ZDHHC14: variants seen among roughly 807,000 people sequenced by gnomAD.
ZDHHC14 encodes the protein palmitoyltransferase ZDHHC14.
Under a neutral mutation model 47.7 loss-of-function variants are expected in ZDHHC14, and 16 were observed. The ratio of observed to expected loss-of-function variants is 0.34; its 90% CI spans 0.23 to 0.51. The LOEUF is 0.51. Among genes scored for constraint, ZDHHC14 ranks in the 20% least tolerant of loss-of-function variants. ZDHHC14 has a pLI of 0.97. For synonymous variants in ZDHHC14, 293 were observed against 278.9 expected, an observed-to-expected ratio of 1.05 and a Z score of -0.50; for missense variants, 515 against 662.5, an observed-to-expected ratio of 0.78 and a Z score of 2.44.
chr6:157,548,735 T>C (rs1362384081), intron 2 of ZDHHC14, among the ~76,000 whole-genome samples: 1 of 152,226 alleles, frequency 6.6e-6, no homozygotes, highest in East Asian at 1.9e-4. Context: ...CTTGAGCCAC[T>C]GCAGCCAGCC....
intron 1 of ZDHHC14, among the ~76,000 whole-genome samples, chr6:157,524,543 C>T (rs976994784): frequency 2.0e-5 from 3 of 152,218 alleles, no homozygotes; most frequent in Non-Finnish European, 4.4e-5. Flanking sequence ...TCCATATTAG[C>T]TTCTTACATA....
chr6:157,515,482 G>A (rs1177097249), intron 1 of ZDHHC14, among the ~76,000 whole-genome samples: 1 of 125,938 alleles, frequency 7.9e-6, no homozygotes, highest in African/African-American at 2.9e-5. Context: ...TTTTTTTGGA[G>A]ACGGAGTCTT....
At chr6:157,594,705 C>G (rs1784052511) in intron 3 of ZDHHC14, among the ~76,000 whole-genome samples, 1 of 152,232 alleles carries the variant, frequency 6.6e-6, no homozygotes, top group Admixed American at 6.5e-5. Context: ...CATGTGGGGG[C>G]ACACCAGGGT....
intron 1 of ZDHHC14, among the ~76,000 whole-genome samples, chr6:157,462,308 A>AG (rs1779108519): frequency 1.3e-5 from 2 of 152,160 alleles, no homozygotes; most frequent in Non-Finnish European, 2.9e-5. Context: ...TATATTTTCT[A>AG]GTGAGATTCA....
intron 1 of ZDHHC14, among the ~76,000 whole-genome samples, chr6:157,435,880 C>T (rs1583642708): frequency 1.3e-5 from 2 of 152,088 alleles, no homozygotes; most frequent in South Asian, 2.1e-4. Context: ...GGCCTGGCAG[C>T]GTGGCAGAAA....
intron 4 of ZDHHC14, chr6:157,632,013 T>A (rs1224322352): frequency 6.6e-6 from 1 of 152,232 alleles, no homozygotes; most frequent in African/African-American, 2.4e-5. Context: ...GTGTCGCCCA[T>A]AGTGGGGCAC....
chr6:157,565,888 C>A (rs1426684947), intron 2 of ZDHHC14, among the ~76,000 whole-genome samples: 1 of 152,178 alleles, frequency 6.6e-6, no homozygotes, highest in Non-Finnish European at 1.5e-5. Flanking sequence ...TCTCTCCAGC[C>A]CCCTGTTATA....
At chr6:157,416,707 G>A (rs994602394) in intron 1 of ZDHHC14, among the ~76,000 whole-genome samples, 9 of 139,714 alleles carry the variant, frequency 6.4e-5, no homozygotes, top group African/African-American at 2.4e-4. Flanking sequence ...GATAAACGTA[G>A]TACATGCTAT....
At position 157,518,558 on chromosome 6, in the gene ZDHHC14, G is replaced by A. The variant is rs932609725; in HGVS notation, c.246-24027G>A. Among the ~76,000 whole-genome samples the A allele has an allele frequency of 3.3e-5, 5 of 152,088 alleles. No individual in the cohort carries two copies. In the South Asian group the frequency reaches 8.3e-4, roughly 25 times the overall value. On this transcript the variant is annotated intron_variant, in intron 1 of 8. Coordinates refer to ENST00000359775, the MANE Select transcript of ZDHHC14 (RefSeq NM_024630.3). Reference sequence around the variant, plus strand: ...CACCATCCCAGTTGTTAGTGTACTGGCCTCTGTCTGTAGGTGACACCCAAC... The same window carrying A: ...CACCATCCCAGTTGTTAGTGTACTGACCTCTGTCTGTAGGTGACACCCAAC...
At chr6:157,559,262 C>G (rs1468795184) in intron 2 of ZDHHC14, among the ~76,000 whole-genome samples, 1 of 152,226 alleles carries the variant, frequency 6.6e-6, no homozygotes, top group Non-Finnish European at 1.5e-5. Context: ...TAGCCGGGAA[C>G]CTGCTGCCCC....
intron 2 of ZDHHC14, among the ~76,000 whole-genome samples, chr6:157,556,863 T>C (rs1215237190): frequency 1.3e-5 from 2 of 152,130 alleles, no homozygotes; most frequent in Admixed American, 6.5e-5. Context: ...GTGCTGACTC[T>C]GGTGGAGAAG....
In ZDHHC14 at chr6:157,509,314, A is replaced by C. The variant is rs1195027479; in HGVS notation, c.246-33271A>C. Among the ~76,000 whole-genome samples the C allele has an allele frequency of 2.0e-5, 3 of 152,310 alleles. No homozygotes were observed. In the East Asian group the frequency reaches 5.8e-4, roughly 29 times the overall value. ...GAGCCCCTTCCACAGCAGCATCCAG[A>C]TGAGGAGTCTCAGGGAGACCTCTTC... On this transcript the variant is annotated intron_variant, in intron 1 of 8. Coordinates refer to ENST00000359775, the MANE Select transcript of ZDHHC14 (RefSeq NM_024630.3).
intron 3 of ZDHHC14, among the ~76,000 whole-genome samples, chr6:157,611,774 T>A (rs142284229): frequency 0.011 from 1,724 of 152,330 alleles, 35 homozygotes; most frequent in African/African-American, 0.04. Flanking sequence ...AAAGTCTGTC[T>A]CTGTTCATCT....
At chr6:157,446,198 T>C (rs1300898629) in intron 1 of ZDHHC14, among the ~76,000 whole-genome samples, 4 of 152,146 alleles carry the variant, frequency 2.6e-5, no homozygotes, top group Non-Finnish European at 5.9e-5. Context: ...TATTCTATCA[T>C]CTGGAGATTA....
intron 2 of ZDHHC14, among the ~76,000 whole-genome samples, chr6:157,543,948 A>G (rs901092666): frequency 6.6e-6 from 1 of 152,224 alleles, no homozygotes; most frequent in Non-Finnish European, 1.5e-5. Flanking sequence ...AGGCCCATCC[A>G]TGGCTATCAC....
intron 1 of ZDHHC14, among the ~76,000 whole-genome samples, chr6:157,406,354 G>T (rs1456742454): frequency 6.6e-6 from 1 of 152,238 alleles, no homozygotes; most frequent in Non-Finnish European, 1.5e-5. Flanking sequence ...ATTGCTATAA[G>T]TAGGATCATA....
intron 7 of ZDHHC14, among the ~76,000 whole-genome samples, chr6:157,649,395 C>T (rs1777713724): frequency 6.6e-6 from 1 of 152,194 alleles, no homozygotes; most frequent in Admixed American, 6.5e-5. Context: ...GGACATAGGC[C>T]ACTCATAGGC....
chr6:157,626,553 G>T (rs1013575805), intron 3 of ZDHHC14, among the ~76,000 whole-genome samples: 3 of 152,122 alleles, frequency 2.0e-5, no homozygotes, highest in African/African-American at 7.2e-5. Flanking sequence ...AAAATTGAGA[G>T]GCAGGTCCAG....
At chr6:157,658,226 G>T (rs1385676415) in intron 8 of ZDHHC14, among the ~76,000 whole-genome samples, 2 of 152,060 alleles carry the variant, frequency 1.3e-5, no homozygotes, top group Non-Finnish European at 2.9e-5. Flanking sequence ...TCCCATTCTG[G>T]CTCCTGCCAG....
Sources: allele counts gnomAD v4.1 joint callset (sites outside exome capture counted in the v4.1 genomes callset), GRCh38; gene constraint gnomAD v4.1.1; transcripts MANE v1.5; gene names NCBI Gene and HGNC (gene_info 2026-07-23, HGNC 2026-07-21).